The following PCDHGB1 variants were observed in gnomAD, a reference collection of about 807,000 sequenced individuals.
PCDHGB1 encodes the protein protocadherin gamma-B1.
PCDHGB1 carries 34 observed loss-of-function variants against 56.6 expected under a neutral mutation model. That is an observed-to-expected ratio of 0.60 (90% CI 0.46 to 0.80). The LOEUF (loss-of-function observed/expected upper bound fraction) is 0.80, where lower values mean the gene tolerates loss of function less well. PCDHGB1 is among the 30% of genes least tolerant of loss of function. PCDHGB1 has a pLI of 0.00. For synonymous variants in PCDHGB1, 561 were observed against 505.9 expected (o/e 1.11, Z -1.46); for missense variants, 1,278 against 1,204.6 (o/e 1.06, Z -0.90).
Position 141,357,291 on chromosome 5 carries a change from G to T in PCDHGB1, c.2409+4622G>T, listed in dbSNP as rs771398262. 1.9e-6 allele frequency: 3 copies of T among 1,613,944 alleles called. No homozygotes were observed. In the South Asian group the frequency reaches 3.3e-5, roughly 18 times the overall value. ...TCACACTCTATCTCGTGGTGGCAGTGGCCGCTGTCTCCTGCGTCTTCCTGG... is the reference window on the plus strand; with the variant it reads ...TCACACTCTATCTCGTGGTGGCAGTTGCCGCTGTCTCCTGCGTCTTCCTGG... On this transcript the variant is annotated intron_variant, in intron 1 of 3. Coordinates refer to ENST00000523390, the MANE Select transcript of PCDHGB1 (RefSeq NM_018922.3).
At chr5:141,427,773 C>T (rs1285483564) in intron 1 of PCDHGB1, 1 of 1,414,460 alleles carries the variant, frequency 7.1e-7, no homozygotes, top group Non-Finnish European at 9.9e-7. Flanking sequence ...CTTGGAGCTG[C>T]GGGCACTGTC....
chr5:141,448,394 T>A (rs1360417681), intron 1 of PCDHGB1, among the ~76,000 whole-genome samples: 2 of 152,206 alleles, frequency 1.3e-5, no homozygotes, highest in Admixed American at 6.5e-5. Context: ...TACATTTACA[T>A]GGTTTTAAAA....
At position 141,351,478 on chromosome 5, in the gene PCDHGB1, A is replaced by G. The variant is rs199832341; in HGVS notation, c.1218A>G (p.Leu406=). 3.9e-5 allele frequency: 63 copies of G among 1,613,924 alleles called. No individual in the cohort carries two copies. In the Middle Eastern group the frequency reaches 5.0e-4, roughly 13 times the overall value. The change falls in exon 1 of 4, where the codon CTA becomes CTG. Residue 406 remains leucine (L), a synonymous_variant. Coordinates refer to ENST00000523390, the MANE Select transcript of PCDHGB1 (RefSeq NM_018922.3). Reference sequence around the variant, plus strand: ...ACAAGCTGGTGATTGCTGGAGCCCTAAACCGGGAGCAGACAGCAGACTACA... The same window carrying G: ...ACAAGCTGGTGATTGCTGGAGCCCTGAACCGGGAGCAGACAGCAGACTACA... ...NYYKLVIAGA[L]NREQTADYNV... is the part of the protein sequence containing the mutation.
At chr5:141,406,574 C>A (rs941574087) in intron 1 of PCDHGB1, among the ~76,000 whole-genome samples, 1 of 152,164 alleles carries the variant, frequency 6.6e-6, no homozygotes, top group African/African-American at 2.4e-5. Context: ...CCCTAGTAAA[C>A]CAATTTTTTC....
chr5:141,421,697 A>T (rs750973568), intron 1 of PCDHGB1: 8 of 1,613,924 alleles, frequency 5.0e-6, no homozygotes, highest in Non-Finnish European at 6.8e-6. Context: ...GCTCTTCCTA[A>T]TGCTAGGGAT....
chr5:141,352,600 T>G lies in PCDHGB1; in HGVS notation c.2340T>G (p.Asp780Glu), dbSNP rs776882485. The change falls in exon 1 of 4, where the codon GAT becomes GAG. Residue 780 changes from aspartate to glutamate, a missense_variant. Physicochemically the swap from Asp to Glu is conservative, Grantham distance 45. Transcript: ENST00000523390. Reference protein sequence around the residue: ...MAPPQDLLCDDPSMVVCASNE... With the variant: ...MAPPQDLLCDEPSMVVCASNE... The stretch of plus-strand genomic sequence containing the variant: ...CCCCTCAGGATCTGCTGTGTGATGA[T>G]CCTTCTATGGTTGTATGTGCCAGTA... The G allele has an allele frequency of 1.9e-5, 31 of 1,613,700 alleles. No homozygotes were observed. The highest frequency in any genetic ancestry group is 2.5e-5 in the Non-Finnish European group (29 of 1,179,830).
intron 1 of PCDHGB1, chr5:141,441,889 GT>G: frequency 2.9e-6 from 1 of 346,022 alleles, no homozygotes; most frequent in South Asian, 2.6e-5. Flanking sequence ...GGTCACCAAG[GT>G]GGTGGCTGTA....
rs747159210 is a variant in PCDHGB1, at chr5:141,511,184, A to C, written c.*11A>C. 1.2e-5 allele frequency: 19 copies of C among 1,613,876 alleles called. No homozygotes were observed. In the Admixed American group the frequency reaches 3.2e-4, roughly 27 times the overall value. ...AAGGAGAAGAAGTAACATGGAGGCC[A>C]GGCCAAGAGCCACAGGGCGGCCTCT... is the stretch of plus-strand genomic sequence containing the variant. On this transcript the variant is annotated 3_prime_UTR_variant, in exon 4 of 4. Transcript: ENST00000523390.
Position 141,350,979 on chromosome 5 carries a change from GC to G in PCDHGB1, c.721del (p.Gln241ArgfsTer21). Reference protein sequence around the residue: ...TDANDNAPVFSQEVYRVSLQE... With the variant: ...TDANDNAPVFXQEVYRVSLQE... Reference sequence around the variant, plus strand: ...GCCAATGATAATGCTCCCGTGTTTAGCCAGGAGGTATACAGGGTTAGCCTCC... The same window carrying G: ...GCCAATGATAATGCTCCCGTGTTTAGCAGGAGGTATACAGGGTTAGCCTCC... On this transcript the variant is annotated frameshift_variant, in exon 1 of 4. Coordinates refer to ENST00000523390, the MANE Select transcript of PCDHGB1 (RefSeq NM_018922.3). LOFTEE classifies it high-confidence loss of function. 1 of 1,614,068 alleles carries G rather than the reference GC, an allele frequency of 6.2e-7. No individual in the cohort carries two copies. Among genetic ancestry groups the G allele is most frequent in the Non-Finnish European group, 8.5e-7 (1 of 1,179,900 alleles).
In PCDHGB1 at chr5:141,350,983, G is replaced by A. The variant is rs769006733; in HGVS notation, c.723G>A (p.Gln241=). 179 of 1,613,982 alleles carry A rather than the reference G, an allele frequency of 1.1e-4. 1 individual carries two copies. The South Asian group carries it at 1.8e-3, about 16-fold the overall frequency. The change falls in exon 1 of 4, where the codon CAG becomes CAA. Residue 241 remains glutamine, a synonymous_variant. Coordinates refer to ENST00000523390, the MANE Select transcript of PCDHGB1 (RefSeq NM_018922.3). ...ATGATAATGCTCCCGTGTTTAGCCA[G>A]GAGGTATACAGGGTTAGCCTCCAAG... ...DANDNAPVFS[Q]EVYRVSLQEN...
intron 1 of PCDHGB1, chr5:141,362,538 C>T (rs1762553339): frequency 6.2e-7 from 1 of 1,613,736 alleles, no homozygotes; most frequent in South Asian, 1.1e-5. Context: ...TCCCTTTTGC[C>T]TCAGATACTA....
chr5:141,384,708 G>T (rs1222018997), intron 1 of PCDHGB1: 3 of 1,614,116 alleles, frequency 1.9e-6, no homozygotes, highest in Non-Finnish European at 2.5e-6. Context: ...AGAACGCCTG[G>T]CTGTCATACC....
chr5:141,393,939 T>C (rs1488586975), intron 1 of PCDHGB1: 2 of 1,613,856 alleles, frequency 1.2e-6, no homozygotes, highest in Non-Finnish European at 8.5e-7. Context: ...TGACCAAGAC[T>C]CTGGAAAGAA....
chr5:141,357,544 CG>C (rs1561515163), intron 1 of PCDHGB1: 1 of 1,614,176 alleles, frequency 6.2e-7, no homozygotes, highest in Non-Finnish European at 8.5e-7. Flanking sequence ...GCTCATCAGC[CG>C]GGAGAGTTGT....
intron 1 of PCDHGB1, among the ~76,000 whole-genome samples, chr5:141,435,105 G>C (rs1046201852): frequency 2.6e-5 from 4 of 151,940 alleles, no homozygotes; most frequent in African/African-American, 9.7e-5. Flanking sequence ...TATCTAGGGG[G>C]GAGAAATCTA....
intron 1 of PCDHGB1, chr5:141,356,480 AG>A: frequency 6.2e-7 from 1 of 1,613,992 alleles, no homozygotes; most frequent in South Asian, 1.1e-5. Flanking sequence ...GCCACTGACC[AG>A]GGAACTCCTC....
intron 2 of PCDHGB1, among the ~76,000 whole-genome samples, chr5:141,497,832 G>A (rs1326640712): frequency 1.3e-5 from 2 of 151,992 alleles, no homozygotes; most frequent in Non-Finnish European, 2.9e-5. Context: ...GATCGCCCCC[G>A]GCCACAACAA....
Position 141,476,559 on chromosome 5 carries a change from T to C in PCDHGB1, c.2410-18248T>C. The stretch of plus-strand genomic sequence containing the variant: ...ATGAAATTGGAGATTAGCGAGGCCG[T>C]GGCTCCGGGGACGCGCTTTCCGCTC... On this transcript the variant is annotated intron_variant, in intron 1 of 3. Coordinates refer to ENST00000523390, the MANE Select transcript of PCDHGB1 (RefSeq NM_018922.3). This position sits in a 1 kb window ranked among gnomAD's most constrained non-coding sequence, Gnocchi z 7.6. 4 of 1,614,228 alleles carry C rather than the reference T, an allele frequency of 2.5e-6. No homozygotes were observed. Among genetic ancestry groups the C allele is most frequent in the Non-Finnish European group, 3.4e-6 (4 of 1,180,036 alleles).
chr5:141,393,533 G>T (rs1475648389), intron 1 of PCDHGB1: 2 of 1,613,950 alleles, frequency 1.2e-6, no homozygotes, highest in South Asian at 1.1e-5. Flanking sequence ...ACAATGCCCC[G>T]GTTTTTCCTC....
Sources: gnomAD v4.1 joint callset for allele counts (sites outside exome capture counted in the v4.1 genomes callset) on GRCh38, gnomAD v4.1.1 for gene constraint, Gnocchi (gnomAD v3.1) non-coding constraint, MANE v1.5 for transcripts, NCBI Gene and HGNC (gene_info 2026-07-23, HGNC 2026-07-21) for gene names.